ANTXR2: variants seen among roughly 807,000 people sequenced by gnomAD.
ANTXR2 encodes anthrax toxin receptor 2.
Under a neutral mutation model 73.7 loss-of-function variants are expected in ANTXR2, and 44 were observed. The observed-to-expected ratio is 0.60, with a 90% CI of 0.47 to 0.77. ANTXR2 has a LOEUF of 0.77. Ranked by LOEUF, ANTXR2 falls within the 30% of genes least tolerant of loss-of-function variation. The probability of loss-of-function intolerance (pLI) is 0.00; values close to 1 mark genes in which losing one functional copy is unlikely to be tolerated. For synonymous variants in ANTXR2, 217 were observed against 205.9 expected (o/e 1.05, Z -0.46); for missense variants, 604 against 592.5 (o/e 1.02, Z -0.20).
At chr4:80,033,085 C>G (rs759670758) in intron 9 of ANTXR2, among the ~76,000 whole-genome samples, 6 of 151,636 alleles carry the variant, frequency 4.0e-5, no homozygotes, top group Non-Finnish European at 7.4e-5. Context: ...AAGAAAGAAG[C>G]CTGAGGAAAG....
intron 16 of ANTXR2, among the ~76,000 whole-genome samples, chr4:79,915,535 A>G (rs958790424): frequency 2.0e-5 from 3 of 152,150 alleles, no homozygotes; most frequent in Non-Finnish European, 4.4e-5. Flanking sequence ...CTTTTCAAAC[A>G]CAGTTAGCTG....
intron 16 of ANTXR2, among the ~76,000 whole-genome samples, chr4:79,936,731 T>C (rs1420807720): frequency 2.0e-5 from 3 of 152,152 alleles, no homozygotes; most frequent in African/African-American, 4.8e-5. Context: ...ATTTAAAAAT[T>C]ACTGCACAAT....
chr4:79,911,409 T>C (rs1018591118), intron 16 of ANTXR2, among the ~76,000 whole-genome samples: 1 of 152,024 alleles, frequency 6.6e-6, no homozygotes, highest in African/African-American at 2.4e-5. Context: ...ATAACAAAAG[T>C]TAACTAAATG....
chr4:79,935,397 T>A (rs1728222241), intron 16 of ANTXR2, among the ~76,000 whole-genome samples: 1 of 148,442 alleles, frequency 6.7e-6, no homozygotes, highest in Non-Finnish European at 1.5e-5. Context: ...ATTTAAAGCC[T>A]GTGGGGGTAT....
intron 12 of ANTXR2, among the ~76,000 whole-genome samples, chr4:79,994,421 GA>G (rs1730628328): frequency 6.6e-6 from 1 of 151,916 alleles, no homozygotes; most frequent in Non-Finnish European, 1.5e-5. Flanking sequence ...TCTCTCACTA[GA>G]AAAAGGTCAA....
chr4:79,984,643 T>C (rs1336080546), intron 13 of ANTXR2, among the ~76,000 whole-genome samples, 176 bp downstream of exon 13: 2 of 152,120 alleles, frequency 1.3e-5, no homozygotes, highest in East Asian at 3.9e-4. Flanking sequence ...TTCCCATTCC[T>C]CTAGCACATG....
At chr4:79,964,168 C>T (rs558506336) in intron 16 of ANTXR2, among the ~76,000 whole-genome samples, 65 of 152,294 alleles carry the variant, frequency 4.3e-4, no homozygotes, top group African/African-American at 1.5e-3. Flanking sequence ...TGAGGAGAGA[C>T]TGCCTTCTGA....
chr4:79,956,621 G>A (rs1463502463), intron 16 of ANTXR2, among the ~76,000 whole-genome samples: 1 of 152,050 alleles, frequency 6.6e-6, no homozygotes, highest in East Asian at 1.9e-4. Flanking sequence ...CATAGTAGGT[G>A]CTCAGTGACT....
At chr4:80,064,290 G>T (rs934107066) in intron 3 of ANTXR2, among the ~76,000 whole-genome samples, 1 of 152,108 alleles carries the variant, frequency 6.6e-6, no homozygotes, top group East Asian at 1.9e-4. Flanking sequence ...TAACTGATTT[G>T]TAAGAGTAGG....
intron 16 of ANTXR2, among the ~76,000 whole-genome samples, chr4:79,960,300 A>T (rs1019984846): frequency 3.3e-5 from 5 of 152,180 alleles, no homozygotes; most frequent in Non-Finnish European, 7.4e-5. Context: ...AGTACTGGAT[A>T]TGATTATGAA....
rs371522758 is a variant in ANTXR2 at position 80,055,165 on chromosome 4, A to T, written c.540T>A (p.Asp180Glu). Reference protein sequence around the residue: ...GASVYCVGVLDFEQAQLERIA... With the variant: ...GASVYCVGVLEFEQAQLERIA... ...TGTAACTTACCTGTGCTTGTTCAAA[A>T]TCAAGGACACCAACACAATAAACAC... Residue 180 changes from aspartate (D) to glutamate (E), a missense_variant, in exon 6 of 17, where the codon GAT becomes GAA. Transcript: ENST00000403729. 4 of 1,563,288 alleles carry T rather than the reference A, an allele frequency of 2.6e-6. No homozygotes were observed. The African/African-American group carries it at 5.4e-5, about 21-fold the overall frequency.
chr4:79,956,189 AATGT>A (rs1728879816), intron 16 of ANTXR2, among the ~76,000 whole-genome samples: 1 of 152,170 alleles, frequency 6.6e-6, no homozygotes, highest in Non-Finnish European at 1.5e-5. Context: ...TATATAATTA[AATGT>A]ATGTTGTGTA....
chr4:80,023,777 A>C (rs1732288783), intron 10 of ANTXR2, among the ~76,000 whole-genome samples: 1 of 152,202 alleles, frequency 6.6e-6, no homozygotes, highest in Non-Finnish European at 1.5e-5. Context: ...CAAGGCAGTA[A>C]AAGTGATTCA....
chr4:79,985,838 C>CTTTTTTTTTTT (rs572381265), intron 12 of ANTXR2, among the ~76,000 whole-genome samples: 1 of 111,688 alleles, frequency 9.0e-6, no homozygotes, highest in Non-Finnish European at 1.8e-5. Context: ...ACAGTTAATT[C>CTTTTTTTTTTT]TTTTTTTTTT....
chr4:79,945,070 A>G (rs537383022), intron 16 of ANTXR2, among the ~76,000 whole-genome samples: 4 of 152,226 alleles, frequency 2.6e-5, no homozygotes, highest in African/African-American at 9.6e-5. Context: ...AGATTCTTCT[A>G]TACCAGAGTT....
At chr4:79,993,744 C>T (rs1370131663) in intron 12 of ANTXR2, among the ~76,000 whole-genome samples, 1 of 72,948 alleles carries the variant, frequency 1.4e-5, no homozygotes, top group Non-Finnish European at 2.9e-5. Flanking sequence ...TGGCAATACA[C>T]CACACACACA....
At chr4:79,984,893 C>A (rs201365402) in intron 12 of ANTXR2, 30 bp from the exon 13 acceptor site, 1 of 1,536,182 alleles carries the variant, frequency 6.5e-7, no homozygotes, top group Non-Finnish European at 8.9e-7. Context: ...ATAAAAATTT[C>A]TATGGCATAG....
At chr4:79,953,024 C>A (rs947056550) in intron 16 of ANTXR2, among the ~76,000 whole-genome samples, 27 of 152,028 alleles carry the variant, frequency 1.8e-4, no homozygotes, top group African/African-American at 5.8e-4. Flanking sequence ...TCATGGGGAA[C>A]CCTTGGCCCC....
At position 79,906,188 on chromosome 4, in the gene ANTXR2, A is replaced by G. The variant is rs1726901275; in HGVS notation, c.*1241T>C. On this transcript the variant is annotated 3_prime_UTR_variant, in exon 17 of 17. Transcript: ENST00000403729. ...GGTGGTTTTTCTAAAAAATTATAAT[A>G]CATACATCGTCAATGTTTTGTGATA... 6.6e-6 allele frequency: 1 copy of G among 152,582 alleles called. No homozygotes were observed. The highest frequency in any genetic ancestry group is 1.5e-5 in the Non-Finnish European group (1 of 68,032). 9.5% of individuals were successfully genotyped at this position (152,582 alleles called of 1,614,324 possible). A position where few individuals can be genotyped will look rare whatever the true frequency, so the allele number is the denominator to read the frequency against.
Sources: gnomAD v4.1 joint callset for allele counts (sites outside exome capture counted in the v4.1 genomes callset) on GRCh38, gnomAD v4.1.1 for gene constraint, MANE v1.5 for transcripts, NCBI Gene and HGNC (gene_info 2026-07-23, HGNC 2026-07-21) for gene names.